Variants in MPPED2 observed in about 807,000 individuals in gnomAD.
The protein encoded by MPPED2 is metallophosphoesterase MPPED2.
Under a neutral mutation model 33.0 loss-of-function variants are expected in MPPED2, and 5 were observed. That is an observed-to-expected ratio of 0.15 (90% CI 0.08 to 0.32). MPPED2 has a LOEUF of 0.32. Among genes scored for constraint, MPPED2 ranks in the 10% least tolerant of loss-of-function variants. The pLI is 1.00. For synonymous variants in MPPED2, 136 were observed against 141.9 expected (o/e 0.96, Z 0.29); for missense variants, 275 against 372.1 (o/e 0.74, Z 2.15).
At chr11:30,401,709 G>A (rs1299161072) in intron 6 of MPPED2, among the ~76,000 whole-genome samples, 1 of 152,134 alleles carries the variant, frequency 6.6e-6, no homozygotes, top group Non-Finnish European at 1.5e-5. Context: ...ACGGAGTCTC[G>A]CTCTGTCACC....
At chr11:30,484,225 G>A (rs991473710) in intron 4 of MPPED2, among the ~76,000 whole-genome samples, 2 of 151,864 alleles carry the variant, frequency 1.3e-5, no homozygotes, top group African/African-American at 4.8e-5. Context: ...TGCTGTCTTA[G>A]GAAATTTCAT....
chr11:30,435,531 C>T (rs1949285695), intron 4 of MPPED2, among the ~76,000 whole-genome samples: 1 of 152,200 alleles, frequency 6.6e-6, no homozygotes, highest in African/African-American at 2.4e-5. Context: ...AGGACTCTGG[C>T]TAAGCATACT....
chr11:30,524,962 C>A (rs1024166239), intron 3 of MPPED2, among the ~76,000 whole-genome samples: 1 of 152,136 alleles, frequency 6.6e-6, no homozygotes, highest in Non-Finnish European at 1.5e-5. Flanking sequence ...TCCATTCTAA[C>A]AATAAAACCT....
chr11:30,542,295 C>T (rs946164705), intron 2 of MPPED2, among the ~76,000 whole-genome samples: 7 of 151,980 alleles, frequency 4.6e-5, no homozygotes, highest in African/African-American at 1.7e-4. Context: ...GATGGTTTTA[C>T]TTTTTTAATG....
chr11:30,553,028 C>T (rs931592505), intron 2 of MPPED2, among the ~76,000 whole-genome samples: 26 of 152,140 alleles, frequency 1.7e-4, no homozygotes, highest in Admixed American at 1.3e-3. Flanking sequence ...GGCCCGGCCA[C>T]CCACGGTGAG....
intron 1 of MPPED2, among the ~76,000 whole-genome samples, chr11:30,582,347 T>A (rs1456476701): frequency 6.6e-6 from 1 of 152,194 alleles, no homozygotes; most frequent in Non-Finnish European, 1.5e-5. Context: ...AATTCACATT[T>A]TCAGACTGTG....
intron 4 of MPPED2, among the ~76,000 whole-genome samples, chr11:30,419,659 A>G (rs1301689013): frequency 6.6e-6 from 1 of 152,202 alleles, no homozygotes; most frequent in Admixed American, 6.5e-5. Flanking sequence ...AGGGATGTAC[A>G]TATGACCCAA....
chr11:30,461,639 A>G (rs1950522010), intron 4 of MPPED2, among the ~76,000 whole-genome samples: 1 of 152,160 alleles, frequency 6.6e-6, no homozygotes, highest in Non-Finnish European at 1.5e-5. Context: ...GCCTGACCTT[A>G]CAGTCCAAAG....
chr11:30,471,656 T>C (rs925340006), intron 4 of MPPED2, among the ~76,000 whole-genome samples: 8 of 152,224 alleles, frequency 5.3e-5, no homozygotes, highest in Non-Finnish European at 1.2e-4. Context: ...ACTAAGAGGC[T>C]AATAAGGTTT....
At chr11:30,470,159 A>G (rs1345130962) in intron 4 of MPPED2, among the ~76,000 whole-genome samples, 2 of 152,184 alleles carry the variant, frequency 1.3e-5, no homozygotes, top group Non-Finnish European at 2.9e-5. Flanking sequence ...AGGATGGTCC[A>G]TCATGAGGTG....
At chr11:30,388,963 G>C in intron 6 of MPPED2, 2 of 1,556,572 alleles carry the variant, frequency 1.3e-6, no homozygotes, top group Non-Finnish European at 1.7e-6. Flanking sequence ...TTTACTAAAG[G>C]GGAGAGAGAG....
chr11:30,465,684 G>C (rs1156521165), intron 4 of MPPED2, among the ~76,000 whole-genome samples: 2 of 152,164 alleles, frequency 1.3e-5, no homozygotes, highest in African/African-American at 4.8e-5. Context: ...GTGACCTTTG[G>C]TAAGTAGAAT....
intron 5 of MPPED2, among the ~76,000 whole-genome samples, chr11:30,416,573 A>G (rs991735359): frequency 6.6e-6 from 1 of 152,220 alleles, no homozygotes; most frequent in African/African-American, 2.4e-5. Context: ...CCAAACCAAG[A>G]TGATTAAGAA....
intron 3 of MPPED2, among the ~76,000 whole-genome samples, chr11:30,506,690 A>G (rs1044595945): frequency 6.6e-6 from 1 of 152,246 alleles, no homozygotes; most frequent in African/African-American, 2.4e-5. Context: ...AAATAACATA[A>G]GGCATAAAGG....
exon 7 of MPPED2, chr11:30,387,309 T>C (rs1420327394): frequency 1.3e-5 from 2 of 152,344 alleles, no homozygotes; most frequent in Non-Finnish European, 2.9e-5. Flanking sequence ...GTCAGAATCT[T>C]TGAAAATTCC....
At chr11:30,528,696 T>C (rs1056826158) in intron 3 of MPPED2, among the ~76,000 whole-genome samples, 2 of 152,196 alleles carry the variant, frequency 1.3e-5, no homozygotes, top group African/African-American at 4.8e-5. Context: ...TGGGCTCAAG[T>C]GATCCTTAGG....
chr11:30,564,859 C>G (rs921130442), intron 2 of MPPED2, among the ~76,000 whole-genome samples: 3 of 152,246 alleles, frequency 2.0e-5, no homozygotes, highest in East Asian at 1.9e-4. Context: ...TTCATGCCCC[C>G]CAATCTGACT....
chr11:30,545,370 G>A (rs886257467), intron 2 of MPPED2, among the ~76,000 whole-genome samples: 14 of 152,122 alleles, frequency 9.2e-5, no homozygotes, highest in Admixed American at 5.9e-4. Flanking sequence ...GATGGTTATC[G>A]TAAACAGAAA....
At chr11:30,507,309 C>A (rs903917498) in intron 3 of MPPED2, among the ~76,000 whole-genome samples, 1 of 152,302 alleles carries the variant, frequency 6.6e-6, no homozygotes, top group African/African-American at 2.4e-5. Context: ...GGCATCAATA[C>A]ACAGTTCTAT....
Sources: allele counts gnomAD v4.1 joint callset (sites outside exome capture counted in the v4.1 genomes callset), GRCh38; gene constraint gnomAD v4.1.1; transcripts MANE v1.5; gene names NCBI Gene and HGNC (gene_info 2026-07-23, HGNC 2026-07-21).